The following ATP2A3 variants were observed in gnomAD, a reference collection of about 807,000 sequenced individuals.
ATP2A3 encodes the protein ATPase sarcoplasmic/endoplasmic reticulum Ca2+ transporting 3, also known as sarcoplasmic/endoplasmic reticulum calcium ATPase 3.
ATP2A3 carries 61 observed loss-of-function variants against 106.8 expected under a neutral mutation model. That is an observed-to-expected ratio of 0.57 (90% CI 0.46 to 0.71). ATP2A3 has a LOEUF of 0.71. Among genes scored for constraint, ATP2A3 ranks in the 30% least tolerant of loss-of-function variants. ATP2A3 has a pLI of 0.00. For synonymous variants in ATP2A3, 611 were observed against 609.3 expected, an observed-to-expected ratio of 1.00 and a Z score of -0.04; for missense variants, 1,201 against 1,423.5, an observed-to-expected ratio of 0.84 and a Z score of 2.52.
intron 3 of ATP2A3, among the ~76,000 whole-genome samples, chr17:3,952,562 C>A (rs946406950): frequency 9.2e-5 from 14 of 152,170 alleles, no homozygotes; most frequent in Non-Finnish European, 2.1e-4. Flanking sequence ...GACAAGGTGC[C>A]CCCCAGGGGC....
Position 3,959,357 on chromosome 17 carries a change from A to C in ATP2A3, c.118+4817T>G, listed in dbSNP as rs981896451. Among the ~76,000 whole-genome samples, 8 of 152,074 alleles carry C rather than the reference A, an allele frequency of 5.3e-5. No homozygotes were observed. In the South Asian group the frequency reaches 8.3e-4, roughly 16 times the overall value. On this transcript the variant is annotated intron_variant, in intron 1 of 20. Transcript: ENST00000397041. ...CAGTTGTCAGTATTAGGGTCCCCCC[A>C]CCACACTGGAACACTTCCAGGGTGG...
In ATP2A3 at chr17:3,942,553, G is replaced by T; in HGVS notation, c.1545+53C>A. On this transcript the variant is annotated intron_variant, in intron 12 of 20. Coordinates refer to ENST00000397041, the MANE Select transcript of ATP2A3 (RefSeq NM_005173.4). ...CTGGGGCTCACAGAGGAGCGTGGAT[G>T]ACCAGGTTCCCCAGGGCGCGCAGGG... 4 of 1,594,846 alleles carry T rather than the reference G, an allele frequency of 2.5e-6. No homozygotes were observed. In the South Asian group the frequency reaches 4.4e-5, roughly 18 times the overall value.
chr17:3,928,493 G>T lies in ATP2A3; in HGVS notation c.2980+170C>A. On this transcript the variant is annotated intron_variant, in intron 20 of 20. Transcript: ENST00000397041. This position sits in a 1 kb window ranked among gnomAD's most constrained non-coding sequence, Gnocchi z 6.1. Reference sequence around the variant, plus strand: ...CAGTGCAAGACCCTGCGGACACCTTGGGACCCAGCCACCAGAGCCCCTTCA... The same window carrying T: ...CAGTGCAAGACCCTGCGGACACCTTTGGACCCAGCCACCAGAGCCCCTTCA... The T allele has an allele frequency of 1.1e-6, 1 of 949,838 alleles. No individual in the cohort carries two copies. The highest frequency in any genetic ancestry group is 1.6e-6 in the Non-Finnish European group (1 of 612,768). The allele number at this position is 949,838 out of a possible 1,614,324, so 58.8% of individuals were successfully genotyped here. A position where few individuals can be genotyped will look rare whatever the true frequency, so the allele number is the denominator to read the frequency against.
intron 4 of ATP2A3, 39 bp downstream of exon 4, chr17:3,951,542 G>GT: frequency 6.7e-7 from 1 of 1,483,218 alleles, no homozygotes; most frequent in Non-Finnish European, 9.1e-7. Context: ...GTGGCTGGGA[G>GT]ACCGCCCCCC....
intron 4 of ATP2A3, 23 bp downstream of exon 4, chr17:3,951,558 G>GCCCCCC: frequency 5.6e-6 from 4 of 716,214 alleles, no homozygotes; most frequent in South Asian, 3.2e-5. Context: ...CCCCCGCCCG[G>GCCCCCC]TCCCACCCCC....
rs111278476 is a variant in ATP2A3 at position 3,954,528 on chromosome 17, G to A, written c.119-818C>T. 3.0e-3 allele frequency among the ~76,000 whole-genome samples: 422 copies of A among 140,070 alleles called. 2 individuals carry two copies. The highest frequency in any genetic ancestry group is 0.01 in the African/African-American group (377 of 36,638). 91.9% of individuals were successfully genotyped at this position (140,070 alleles called of 152,430 possible). On this transcript the variant is annotated intron_variant, in intron 1 of 20. Coordinates refer to ENST00000397041, the MANE Select transcript of ATP2A3 (RefSeq NM_005173.4). ...TTTTTTTTTTTTTTAAGAGAGTCTC[G>A]CTCTGTCGCCCAGGCCAGAGTGCAG...
intron 8 of ATP2A3, 53 bp from the exon 9 acceptor site, chr17:3,945,201 G>T: frequency 6.6e-6 from 10 of 1,513,392 alleles, no homozygotes; most frequent in Non-Finnish European, 7.1e-6. Context: ...CCTCCTCCCC[G>T]GGCGGCCAGT....
At chr17:3,951,040 C>A (rs1375064043) in intron 5 of ATP2A3, among the ~76,000 whole-genome samples, 2 of 151,936 alleles carry the variant, frequency 1.3e-5, no homozygotes, top group Non-Finnish European at 2.9e-5. Context: ...CCCAGGCCCA[C>A]ATAATAAAAG....
chr17:3,943,125 T>C (rs891066473), intron 11 of ATP2A3, among the ~76,000 whole-genome samples: 1 of 151,882 alleles, frequency 6.6e-6, no homozygotes, highest in African/African-American at 2.4e-5. Flanking sequence ...CTGTCTCTAC[T>C]AAAAAATGCA....
rs779487333 is a variant in ATP2A3, at chr17:3,937,434, T to C, written c.2303A>G (p.Asn768Ser). 3.7e-6 allele frequency: 6 copies of C among 1,612,722 alleles called. No homozygotes were observed. The highest frequency in any genetic ancestry group is 5.1e-6 in the Non-Finnish European group (6 of 1,179,088). Residue 768 changes from asparagine (N) to serine (S), a missense_variant, in exon 15 of 21, where the codon AAT becomes AGT. Transcript: ENST00000397041. ...GCCTCACCAGACGACCTCGCCAACA[T>C]TGGAGGAGATGAGGTAGCGGATGAA... ...KQFIRYLISS[N>S]VGEVVCIFLT...
rs545334738 is a variant in ATP2A3 at position 3,940,569 on chromosome 17, G to A, written c.2100+402C>T. Among the ~76,000 whole-genome samples, 86 of 152,248 alleles carry A rather than the reference G, an allele frequency of 5.6e-4. 3 individuals are homozygous for A. The South Asian group carries it at 0.017, about 30-fold the overall frequency. ...GTCACCCAGGCTGGAGTGCAGTGGC[G>A]TGATCTCGGCTCACTGCAACCTCTG... On this transcript the variant is annotated intron_variant, in intron 14 of 20. Transcript: ENST00000397041.
Position 3,947,413 on chromosome 17 carries a change from G to T in ATP2A3, c.1073C>A (p.Thr358Asn). 1 of 1,613,930 alleles carries T rather than the reference G, an allele frequency of 6.2e-7. No homozygotes were observed. Among genetic ancestry groups the T allele is most frequent in the Non-Finnish European group, 8.5e-7 (1 of 1,180,048 alleles). ...ICSDKTGTLT[T>N]NQMSVCRMFV... The stretch of plus-strand genomic sequence containing the variant: ...CACCCGGCAGACAGACATCTGATTG[G>T]TGGTGAGCGTGCCCGTCTTGTCGGA... Residue 358 changes from threonine to asparagine, a missense_variant, in exon 8 of 21, where the codon ACC becomes AAC. Around this residue, in one of 2 missense-constraint regions of ATP2A3, gnomAD observed 935 missense variants for 1,176.7 expected, o/e 0.79. Transcript: ENST00000397041. This position sits in a 1 kb window ranked among gnomAD's most constrained non-coding sequence, Gnocchi z 7.7.
Position 3,929,516 on chromosome 17 carries a change from G to A in ATP2A3, c.2745-71C>T. On this transcript the variant is annotated intron_variant, in intron 18 of 20. Transcript: ENST00000397041. This position sits in a 1 kb window ranked among gnomAD's most constrained non-coding sequence, Gnocchi z 4.3. ...CCCTGCCAGGCACCCACCCCCATGG[G>A]AGGAGCCTCACCACTTCTCTAGCGG... 2 of 1,317,994 alleles carry A rather than the reference G, an allele frequency of 1.5e-6. No homozygotes were observed. The highest frequency in any genetic ancestry group is 2.0e-5 in the Admixed American group (1 of 50,666). The allele number at this position is 1,317,994 out of a possible 1,614,324, so 81.6% of individuals were successfully genotyped here. A position where few individuals can be genotyped will look rare whatever the true frequency, so the allele number is the denominator to read the frequency against.
intron 3 of ATP2A3, among the ~76,000 whole-genome samples, chr17:3,952,098 CT>C (rs921302546): frequency 1.3e-5 from 2 of 152,168 alleles, no homozygotes; most frequent in African/African-American, 4.8e-5. Flanking sequence ...CCTACGGATT[CT>C]TTTGAGACAG....
chr17:3,926,909 A>T lies in ATP2A3; in HGVS notation c.2981-1468T>A, dbSNP rs114717730. 1.2e-3 allele frequency: 1,136 copies of T among 985,376 alleles called. 12 individuals carry two copies. The African/African-American group carries it at 0.019, about 16-fold the overall frequency. 61.0% of individuals were successfully genotyped at this position (985,376 alleles called of 1,614,324 possible). ...CTCTTGCCTGTCCTCCATGGTTGAC[A>T]CAGTCCGCACCGTGCTTACACTCCT... On this transcript the variant is annotated intron_variant, in intron 20 of 20. Coordinates refer to ENST00000397041, the MANE Select transcript of ATP2A3 (RefSeq NM_005173.4). The surrounding 1 kb of genome is among the most constrained non-coding windows in gnomAD (Gnocchi z 4.6).
chr17:3,927,992 C>T lies in ATP2A3; in HGVS notation c.2980+671G>A, dbSNP rs2052808219. 2.5e-6 allele frequency: 4 copies of T among 1,614,020 alleles called. No individual in the cohort carries two copies. The East Asian group carries it at 6.7e-5, about 27-fold the overall frequency. On this transcript the variant is annotated intron_variant, in intron 20 of 20. Coordinates refer to ENST00000397041, the MANE Select transcript of ATP2A3 (RefSeq NM_005173.4). Reference sequence around the variant, plus strand: ...GAACCGGAGCTCACCCCTGCTTCCTCCCTCTCTGAGCAGCTCTGACAGCGA... The same window carrying T: ...GAACCGGAGCTCACCCCTGCTTCCTTCCTCTCTGAGCAGCTCTGACAGCGA...
At position 3,953,209 on chromosome 17, in the gene ATP2A3, C is replaced by T. The variant is rs1398143917; in HGVS notation, c.219+138G>A. 5 of 979,504 alleles carry T rather than the reference C, an allele frequency of 5.1e-6. No homozygotes were observed. The highest frequency in any genetic ancestry group is 6.5e-6 in the Non-Finnish European group (4 of 611,910). 60.7% of individuals were successfully genotyped at this position (979,504 alleles called of 1,614,324 possible). The stretch of plus-strand genomic sequence containing the variant: ...AAGGGAAGCTGAAGTCTGAGCAGGG[C>T]AGGGCCAGGGAAGGCCAGGGCGCAG... On this transcript the variant is annotated intron_variant, in intron 3 of 20. Coordinates refer to ENST00000397041, the MANE Select transcript of ATP2A3 (RefSeq NM_005173.4). This position sits in a 1 kb window ranked among gnomAD's most constrained non-coding sequence, Gnocchi z 5.1.
At chr17:3,927,898 G>A in intron 20 of ATP2A3, 1 of 1,595,244 alleles carries the variant, frequency 6.3e-7, no homozygotes, top group Non-Finnish European at 8.5e-7. Context: ...CTCAGCCACT[G>A]CCCAGCCCAA....
rs192865796 is a variant in ATP2A3 at position 3,953,103 on chromosome 17, G to A, written c.219+244C>T. 9.9e-5 allele frequency among the ~76,000 whole-genome samples: 15 copies of A among 152,264 alleles called. No individual in the cohort carries two copies. The highest frequency in any genetic ancestry group is 2.2e-4 in the African/African-American group (9 of 41,564). ...GGGGCAGATGTGAGTTGGGGAGCTC[G>A]CTGAGAGCCAGAGGATAAGATGGAT... On this transcript the variant is annotated intron_variant, in intron 3 of 20. Coordinates refer to ENST00000397041, the MANE Select transcript of ATP2A3 (RefSeq NM_005173.4). This position sits in a 1 kb window ranked among gnomAD's most constrained non-coding sequence, Gnocchi z 5.1.
Sources: gnomAD v4.1 joint callset for allele counts (sites outside exome capture counted in the v4.1 genomes callset) on GRCh38, gnomAD v4.1.1 for gene constraint, gnomAD v4.1.1 regional missense constraint, Gnocchi (gnomAD v3.1) non-coding constraint, MANE v1.5 for transcripts, NCBI Gene and HGNC (gene_info 2026-07-23, HGNC 2026-07-21) for gene names.